Variants in ANO10 observed in about 807,000 individuals in gnomAD.
ANO10 encodes anoctamin-10.
ANO10 carries 77 observed loss-of-function variants against 74.7 expected under a neutral mutation model. That is an observed-to-expected ratio of 1.03 (90% CI 0.86 to 1.25). The LOEUF is 1.25. Among genes scored for constraint, ANO10 ranks in the 50% most tolerant of loss-of-function variants. The pLI is 0.00. For missense variants in ANO10, 721 were observed against 778.1 expected (o/e 0.93, Z 0.87); for synonymous variants, 279 against 284.9 (o/e 0.98, Z 0.21).
intron 1 of ANO10, among the ~76,000 whole-genome samples, chr3:43,634,810 TC>T (rs2083588967): frequency 6.6e-6 from 1 of 152,102 alleles, no homozygotes; most frequent in African/African-American, 2.4e-5. Flanking sequence ...GCACAGGCAA[TC>T]AGAGGAGGGA....
intron 11 of ANO10, among the ~76,000 whole-genome samples, chr3:43,464,246 C>T (rs1172775745): frequency 6.6e-6 from 1 of 152,074 alleles, no homozygotes. Context: ...GATACCAAAA[C>T]CTGACAAAAA....
chr3:43,451,743 A>C (rs892397846), intron 11 of ANO10, among the ~76,000 whole-genome samples: 2 of 152,206 alleles, frequency 1.3e-5, no homozygotes, highest in African/African-American at 4.8e-5. Flanking sequence ...AGTAATGTAA[A>C]TGAAGTTTAA....
intron 1 of ANO10, among the ~76,000 whole-genome samples, chr3:43,655,990 G>A (rs1336615160): frequency 1.6e-5 from 1 of 63,894 alleles, no homozygotes; most frequent in Non-Finnish European, 3.1e-5. Flanking sequence ...CAATCCCTGA[G>A]CTAGACATAA....
At chr3:43,499,632 A>C (rs997756862) in intron 11 of ANO10, among the ~76,000 whole-genome samples, 7 of 152,090 alleles carry the variant, frequency 4.6e-5, no homozygotes, top group Admixed American at 2.0e-4. Context: ...AGACACCGTA[A>C]GACACACCAT....
chr3:43,434,893 T>G (rs1327978312), intron 11 of ANO10, among the ~76,000 whole-genome samples: 1 of 152,224 alleles, frequency 6.6e-6, no homozygotes. Context: ...TTTTAAACAT[T>G]TGCATAGCAA....
intron 4 of ANO10, among the ~76,000 whole-genome samples, chr3:43,585,089 A>G (rs1307805072): frequency 2.6e-5 from 4 of 152,242 alleles, no homozygotes; most frequent in Non-Finnish European, 5.9e-5. Flanking sequence ...CTCTGAAAAT[A>G]GGTCATAGTT....
At chr3:43,678,143 A>G (rs955819088) in intron 1 of ANO10, among the ~76,000 whole-genome samples, 4 of 152,244 alleles carry the variant, frequency 2.6e-5, no homozygotes, top group African/African-American at 9.6e-5. Flanking sequence ...CTCTTACATT[A>G]GCCTACTGTT....
At chr3:43,632,990 C>T (rs2083564746) in intron 1 of ANO10, among the ~76,000 whole-genome samples, 1 of 152,088 alleles carries the variant, frequency 6.6e-6, no homozygotes, top group Non-Finnish European at 1.5e-5. Context: ...CAATTATAGT[C>T]AGGTATTTCG....
chr3:43,379,195 T>G (rs1402022475), intron 12 of ANO10, among the ~76,000 whole-genome samples: 2 of 152,204 alleles, frequency 1.3e-5, no homozygotes, highest in Admixed American at 1.3e-4. Flanking sequence ...AAAACACATC[T>G]TGGGATACAT....
At chr3:43,512,900 C>T (rs976248846) in intron 11 of ANO10, among the ~76,000 whole-genome samples, 1 of 152,184 alleles carries the variant, frequency 6.6e-6, no homozygotes. Context: ...ACAGCTGCTA[C>T]TTACTGCCTA....
At chr3:43,683,803 A>G (rs2084235408) in intron 1 of ANO10, among the ~76,000 whole-genome samples, 1 of 151,968 alleles carries the variant, frequency 6.6e-6, no homozygotes, top group Non-Finnish European at 1.5e-5. Context: ...GATCTTTGAC[A>G]AACCTGACAA....
At position 43,441,171 on chromosome 3, in the gene ANO10, G is replaced by T. The variant is rs115319112; in HGVS notation, c.1798-8444C>A. 4.8e-3 allele frequency among the ~76,000 whole-genome samples: 721 copies of T among 150,686 alleles called. 5 individuals are homozygous for T. Among genetic ancestry groups the T allele is most frequent in the African/African-American group, 0.017 (693 of 41,130 alleles). ...AACAAACTAAAGTTAGCAGAAGAAA[G>T]GAAATAATAAAGATGAGAACAAAAA... is the stretch of plus-strand genomic sequence containing the variant. On this transcript the variant is annotated intron_variant, in intron 11 of 12. Coordinates refer to ENST00000292246, the MANE Select transcript of ANO10 (RefSeq NM_018075.5).
chr3:43,662,849 T>C (rs899813177), intron 1 of ANO10, among the ~76,000 whole-genome samples: 5 of 151,996 alleles, frequency 3.3e-5, no homozygotes, highest in Admixed American at 2.0e-4. Context: ...CAGGAAGAAG[T>C]TGAAGCTCTG....
rs543431333 is a variant in ANO10, at chr3:43,589,457, C to T, written c.473-8985G>A. 1.1e-3 allele frequency among the ~76,000 whole-genome samples: 172 copies of T among 152,128 alleles called. 1 individual carries two copies. Among genetic ancestry groups the T allele is most frequent in the African/African-American group, 3.8e-3 (159 of 41,508 alleles). ...ATCCCAGCACTTTGGGAGGCTGAGGCGGGTGGATCATCTGAGGTCAGGAGT... is the reference window on the plus strand; with the variant it reads ...ATCCCAGCACTTTGGGAGGCTGAGGTGGGTGGATCATCTGAGGTCAGGAGT... On this transcript the variant is annotated intron_variant, in intron 4 of 12. Coordinates refer to ENST00000292246, the MANE Select transcript of ANO10 (RefSeq NM_018075.5).
rs924509628 is a variant in ANO10 at position 43,637,169 on chromosome 3, C to G, written c.-11-31306G>C. On this transcript the variant is annotated intron_variant, in intron 1 of 3. Coordinates refer to the ANO10 transcript ENST00000413397. ...TGGGTGACAGAGTGAGACCCTGTCT[C>G]AAAAAAACAAACAAAAAGCTGGGTG... 2.0e-5 allele frequency among the ~76,000 whole-genome samples: 3 copies of G among 151,486 alleles called. 1 individual carries two copies. In the South Asian group the frequency reaches 6.2e-4, roughly 32 times the overall value.
intron 12 of ANO10, among the ~76,000 whole-genome samples, chr3:43,420,626 T>C (rs990692736): frequency 3.3e-5 from 5 of 152,122 alleles, no homozygotes; most frequent in African/African-American, 1.2e-4. Flanking sequence ...TAAGTGTGGT[T>C]TCCTACACTT....
At chr3:43,567,103 T>C (rs530787763) in intron 7 of ANO10, among the ~76,000 whole-genome samples, 1 of 152,004 alleles carries the variant, frequency 6.6e-6, no homozygotes, top group East Asian at 1.9e-4. Flanking sequence ...ATGAAATGAA[T>C]GAAATGAAGT....
chr3:43,372,462 A>T (rs757502684), intron 12 of ANO10, among the ~76,000 whole-genome samples: 5 of 151,930 alleles, frequency 3.3e-5, no homozygotes, highest in Non-Finnish European at 5.9e-5. Context: ...CTTGTCTCTC[A>T]TCCTTGTCCC....
chr3:43,650,052 C>T (rs1047079515), intron 1 of ANO10, among the ~76,000 whole-genome samples: 10 of 152,158 alleles, frequency 6.6e-5, no homozygotes, highest in Non-Finnish European at 1.2e-4. Context: ...TTTTTGCAAG[C>T]GTCTTTTTGC....
Sources: gnomAD v4.1 joint callset for allele counts (sites outside exome capture counted in the v4.1 genomes callset) on GRCh38, gnomAD v4.1.1 for gene constraint, MANE v1.5 for transcripts, NCBI Gene and HGNC (gene_info 2026-07-23, HGNC 2026-07-21) for gene names.